The following NCOR2 variants were observed in gnomAD, a reference collection of about 807,000 sequenced individuals.
NCOR2 encodes nuclear receptor corepressor 2.
In NCOR2, 81 loss-of-function variants were observed where a neutral mutation model predicts 262.9. That is an observed-to-expected ratio of 0.31 (90% CI 0.26 to 0.37). The LOEUF is 0.37. NCOR2 is among the 10% of genes least tolerant of loss of function. NCOR2 has a pLI of 1.00. For missense variants in NCOR2, 3,385 were observed against 3,621.4 expected (o/e 0.93, Z 1.68); for synonymous variants, 1,659 against 1,559.3 (o/e 1.06, Z -1.51).
intron 33 of NCOR2, among the ~76,000 whole-genome samples, 179 bp downstream of exon 35, chr12:124,342,826 A>C (rs1322560501): frequency 1.3e-5 from 2 of 152,202 alleles, no homozygotes; most frequent in East Asian, 3.9e-4. Context: ...TACTAAGAGA[A>C]ATTCTGCTCC....
intron 1 of NCOR2, among the ~76,000 whole-genome samples, chr12:124,515,109 T>C (rs1000310423): frequency 2.0e-5 from 3 of 152,164 alleles, no homozygotes; most frequent in African/African-American, 7.2e-5. Context: ...GAGCCCTCTG[T>C]GATCCTGAGG....
intron 5 of NCOR2, among the ~76,000 whole-genome samples, chr12:124,461,107 G>C (rs1205192673): frequency 1.3e-5 from 2 of 152,242 alleles, no homozygotes; most frequent in African/African-American, 4.8e-5. Context: ...TGGAATTCAG[G>C]GGACTCAGCC....
chr12:124,404,310 G>A (rs2042149128), intron 13 of NCOR2, among the ~76,000 whole-genome samples: 1 of 152,186 alleles, frequency 6.6e-6, no homozygotes, highest in African/African-American at 2.4e-5. Flanking sequence ...CAACAGCCCA[G>A]GGCCAGAGTC....
rs2048915363 is a variant in NCOR2, at chr12:124,503,954, G to T, written c.-117-8586C>A. Among the ~76,000 whole-genome samples the T allele has an allele frequency of 6.6e-6, 1 of 152,140 alleles. No homozygotes were observed. Among genetic ancestry groups the T allele is most frequent in the Admixed American group, 6.6e-5 (1 of 15,262 alleles). On this transcript the variant is annotated intron_variant, in intron 1 of 46. Transcript: ENST00000404621. This position sits in a 1 kb window ranked among gnomAD's most constrained non-coding sequence, Gnocchi z 4.3. ...TCCATGAGGGACACAGAAAGGCACT[G>T]TCGCCTTCAGGAACCCCCAAACCCA...
intron 13 of NCOR2, among the ~76,000 whole-genome samples, chr12:124,412,624 A>T (rs2042642532): frequency 6.6e-6 from 1 of 152,078 alleles, no homozygotes; most frequent in Non-Finnish European, 1.5e-5. Flanking sequence ...GCTTGAGTGT[A>T]CTCCCATGGG....
chr12:124,437,082 T>C (rs910670972), intron 8 of NCOR2, among the ~76,000 whole-genome samples: 3 of 149,288 alleles, frequency 2.0e-5, no homozygotes, highest in Non-Finnish European at 4.4e-5. Context: ...CGAAACTCCA[T>C]CTCAAAAATA....
exon 20 of NCOR2, chr12:124,372,405 G>C (rs764867737): frequency 2.0e-6 from 3 of 1,502,772 alleles, no homozygotes; most frequent in Non-Finnish European, 2.6e-6. Flanking sequence ...GTGCTGGTGG[G>C]GGCGTAGGGG....
rs542874857 is a variant in NCOR2 at position 124,345,045 on chromosome 12, A to G, written c.4360-94T>C. 1.8e-4 allele frequency: 214 copies of G among 1,198,766 alleles called. 1 individual carries two copies. The African/African-American group carries it at 2.9e-3, about 16-fold the overall frequency. 74.3% of individuals were successfully genotyped at this position (1,198,766 alleles called of 1,614,324 possible). A position where few individuals can be genotyped will look rare whatever the true frequency, so the allele number is the denominator to read the frequency against. ...CTGAGCCTCAAAAAGTTTGTCATCT[A>G]TAAGATGGAAGTGACATCTGATGCC... On this transcript the variant is annotated intron_variant, in intron 31 of 46. Transcript: ENST00000405201.
chr12:124,463,221 C>T (rs1330025983), intron 5 of NCOR2, among the ~76,000 whole-genome samples: 1 of 152,242 alleles, frequency 6.6e-6, no homozygotes, highest in East Asian at 1.9e-4. Flanking sequence ...AACCAACAGG[C>T]TCCTACCTCG....
rs1767912660 is a variant in NCOR2 at position 124,339,936 on chromosome 12, T to G, written c.5687+70A>C. ...CATATACCTCCCACCAAGCATCCTC[T>G]TATCTGCTCATCCTCCTACTGACCA... On this transcript the variant is annotated intron_variant, in intron 37 of 46. Coordinates refer to ENST00000405201, the Ensembl canonical transcript of NCOR2. 43 of 987,160 alleles carry G rather than the reference T, an allele frequency of 4.4e-5. No homozygotes were observed. The South Asian group carries it at 5.5e-4, about 13-fold the overall frequency. 61.2% of individuals were successfully genotyped at this position (987,160 alleles called of 1,614,324 possible).
At chr12:124,383,819 G>A (rs980103601) in intron 17 of NCOR2, among the ~76,000 whole-genome samples, 2 of 152,200 alleles carry the variant, frequency 1.3e-5, no homozygotes, top group African/African-American at 4.8e-5. Context: ...CCACAAGCTG[G>A]GCCTTGACCC....
chr12:124,387,441 A>G (rs2040897782), intron 16 of NCOR2, among the ~76,000 whole-genome samples: 2 of 152,172 alleles, frequency 1.3e-5, no homozygotes. Flanking sequence ...AGGAGGGGGA[A>G]ATCTCGGTTC....
Position 124,343,007 on chromosome 12 carries a change from G to A in NCOR2, c.4934C>T (p.Ala1645Val), listed in dbSNP as rs771980299. The change falls in exon 33 of 47, where the codon GCA becomes GTA. Residue 1645 changes from alanine to valine, a missense_variant and splice_region_variant. Around this residue, in one of 5 missense-constraint regions of NCOR2, gnomAD observed 1,615 missense variants for 1,626.9 expected, o/e 0.99. Coordinates refer to ENST00000405201, the Ensembl canonical transcript of NCOR2. ...TCTGGGAGCCCCAGGGCAATCACCT[G>A]CGTCCAGAGGGATGCCGCGGGGTAT... The A allele has an allele frequency of 1.6e-5, 26 of 1,610,550 alleles. No individual in the cohort carries two copies. In the East Asian group the frequency reaches 5.3e-4, roughly 33 times the overall value.
intron 13 of NCOR2, among the ~76,000 whole-genome samples, chr12:124,410,678 G>A (rs376259900): frequency 5.3e-5 from 8 of 152,148 alleles, no homozygotes; most frequent in South Asian, 2.1e-4. Context: ...GATCTGGCCC[G>A]CCCTGCCACC....
intron 15 of NCOR2, among the ~76,000 whole-genome samples, chr12:124,399,026 G>A (rs551454508): frequency 3.9e-4 from 59 of 152,330 alleles, no homozygotes; most frequent in African/African-American, 1.3e-3. Context: ...GTGGGTGCGA[G>A]GGACGTCAGC....
Position 124,566,321 on chromosome 12 carries a change from G to C in NCOR2, c.-165+987C>G, listed in dbSNP as rs575243567. 3.3e-5 allele frequency among the ~76,000 whole-genome samples: 5 copies of C among 152,312 alleles called. No homozygotes were observed. The highest frequency in any genetic ancestry group is 4.1e-4 in the South Asian group (2 of 4,826). On this transcript the variant is annotated intron_variant, in intron 1 of 32. Transcript: ENST00000458234. The surrounding 1 kb of genome is among the most constrained non-coding windows in gnomAD (Gnocchi z 4.3). Reference sequence around the variant, plus strand: ...AGCCGGAGCGCGCGACAGGCGGCGGGAGGACACTCGCTTCCAAAAAAATAA... The same window carrying C: ...AGCCGGAGCGCGCGACAGGCGGCGGCAGGACACTCGCTTCCAAAAAAATAA...
exon 23 of NCOR2, chr12:124,356,738 A>C (rs774440340): frequency 6.7e-7 from 1 of 1,497,098 alleles, no homozygotes; most frequent in Non-Finnish European, 8.8e-7. Context: ...CCGGAAGTCC[A>C]GCAAGGGGGG....
Position 124,325,602 on chromosome 12 carries a change from G to C in NCOR2, c.7364-19C>G. On this transcript the variant is annotated intron_variant, in intron 46 of 46. Transcript: ENST00000405201. ...GTGGAACCTGCGGGAAGAAGCGAAAGATGCCCAGGAGGCCTCTGTGAGCCC... is the reference window on the plus strand; with the variant it reads ...GTGGAACCTGCGGGAAGAAGCGAAACATGCCCAGGAGGCCTCTGTGAGCCC... The C allele has an allele frequency of 7.9e-7, 1 of 1,268,032 alleles. No individual in the cohort carries two copies. The highest frequency in any genetic ancestry group is 1.0e-6 in the Non-Finnish European group (1 of 997,276). 78.5% of individuals were successfully genotyped at this position (1,268,032 alleles called of 1,614,324 possible). A position where few individuals can be genotyped will look rare whatever the true frequency, so the allele number is the denominator to read the frequency against.
At chr12:124,377,720 T>A (rs977446070) in intron 18 of NCOR2, among the ~76,000 whole-genome samples, 2 of 150,792 alleles carry the variant, frequency 1.3e-5, no homozygotes, top group African/African-American at 2.4e-5. Flanking sequence ...GCACCTCTAA[T>A]CCCAGCTACT....
Sources: allele counts gnomAD v4.1 joint callset (sites outside exome capture counted in the v4.1 genomes callset), GRCh38; gene constraint gnomAD v4.1.1; regional missense constraint gnomAD v4.1.1; non-coding constraint Gnocchi (gnomAD v3.1); transcripts MANE v1.5; gene names NCBI Gene and HGNC (gene_info 2026-07-23, HGNC 2026-07-21).